The following DNAJB6 variants were observed in gnomAD, a reference collection of about 807,000 sequenced individuals.
The protein encoded by DNAJB6 is dnaJ homolog subfamily B member 6.
Under a neutral mutation model 42.7 loss-of-function variants are expected in DNAJB6, and 16 were observed. The observed-to-expected ratio is 0.37, with a 90% CI of 0.25 to 0.57. DNAJB6 has a LOEUF of 0.57. Ranked by LOEUF, DNAJB6 falls within the 20% of genes least tolerant of loss-of-function variation. The pLI is 0.74. For missense variants in DNAJB6, 347 were observed against 416.8 expected (o/e 0.83, Z 1.46); for synonymous variants, 170 against 163.5 (o/e 1.04, Z -0.30).
intron 5 of DNAJB6, among the ~76,000 whole-genome samples, chr7:157,376,013 C>T (rs1317927628): frequency 6.6e-6 from 1 of 152,120 alleles, no homozygotes; most frequent in African/African-American, 2.4e-5. Flanking sequence ...CAGGCCTCTC[C>T]TGGGCCGCGG....
intron 5 of DNAJB6, among the ~76,000 whole-genome samples, chr7:157,377,532 C>T (rs1379606339): frequency 4.6e-5 from 7 of 151,940 alleles, no homozygotes; most frequent in African/African-American, 7.3e-5. Context: ...AAGGTGCTCA[C>T]GACTCTAACC....
chr7:157,381,772 GT>G, intron 5 of DNAJB6: 1 of 153,826 alleles, frequency 6.5e-6, no homozygotes, highest in African/African-American at 2.4e-5. Flanking sequence ...GTGTGTGTGT[GT>G]GTGGGCGCGC....
chr7:157,385,421 A>G, intron 7 of DNAJB6, 120 bp from the exon 8 acceptor site: 2 of 1,093,306 alleles, frequency 1.8e-6, no homozygotes, highest in South Asian at 3.1e-5. Flanking sequence ...CCATGTTTTT[A>G]CAGCCTGAAA....
chr7:157,384,775 T>A lies in DNAJB6; in HGVS notation c.479-92T>A. On this transcript the variant is annotated intron_variant, in intron 6 of 9. Coordinates refer to ENST00000262177, the MANE Select transcript of DNAJB6 (RefSeq NM_058246.4). ...ACTCCTCGGTTCTATGCCTTAACATTAAATATTCTGCTACTGAACTTTCAA... is the reference window on the plus strand; with the variant it reads ...ACTCCTCGGTTCTATGCCTTAACATAAAATATTCTGCTACTGAACTTTCAA... The A allele has an allele frequency of 2.3e-6, 3 of 1,300,798 alleles. No homozygotes were observed. The South Asian group carries it at 3.9e-5, about 17-fold the overall frequency. 80.6% of individuals were successfully genotyped at this position (1,300,798 alleles called of 1,614,324 possible).
intron 5 of DNAJB6, among the ~76,000 whole-genome samples, chr7:157,373,344 G>C (rs1800312354): frequency 6.6e-6 from 1 of 152,160 alleles, no homozygotes; most frequent in African/African-American, 2.4e-5. Context: ...TTTAAAGTTA[G>C]ACATGTGCCC....
chr7:157,399,305 G>C (rs10226524), intron 8 of DNAJB6, among the ~76,000 whole-genome samples: 86,355 of 152,008 alleles, frequency 0.57, 26,213 homozygotes, highest in African/African-American at 0.8. Context: ...GAGGTCTTTC[G>C]CCTCCTGATG....
chr7:157,396,916 T>C (rs1563145809), intron 8 of DNAJB6, among the ~76,000 whole-genome samples: 1 of 152,102 alleles, frequency 6.6e-6, no homozygotes, highest in Non-Finnish European at 1.5e-5. Flanking sequence ...CGCCACAGTG[T>C]GCTTTAGTTG....
chr7:157,382,408 T>C (rs966946755), intron 6 of DNAJB6, 31 bp downstream of exon 6: 3 of 1,588,584 alleles, frequency 1.9e-6, no homozygotes, highest in African/African-American at 2.7e-5. Flanking sequence ...ATCTCTGTTA[T>C]CTTAACAGCA....
At chr7:157,386,962 G>A (rs981971067) in intron 8 of DNAJB6, among the ~76,000 whole-genome samples, 1 of 150,862 alleles carries the variant, frequency 6.6e-6, no homozygotes, top group African/African-American at 2.4e-5. Context: ...ATTACCATTG[G>A]TAACTAGAAT....
chr7:157,362,222 T>C (rs889049120), intron 2 of DNAJB6, among the ~76,000 whole-genome samples: 11 of 152,218 alleles, frequency 7.2e-5, no homozygotes, highest in African/African-American at 1.7e-4. Context: ...TCTGAGATCC[T>C]GGCCTGTTGG....
chr7:157,338,336 C>CTT (rs111666619), intron 1 of DNAJB6, among the ~76,000 whole-genome samples: 66 of 145,368 alleles, frequency 4.5e-4, no homozygotes, highest in African/African-American at 8.8e-4. Context: ...TCCAGACTTC[C>CTT]TTTTTTTTTT....
chr7:157,338,469 G>C (rs903687069), intron 1 of DNAJB6, among the ~76,000 whole-genome samples: 2 of 152,120 alleles, frequency 1.3e-5, no homozygotes, highest in Non-Finnish European at 2.9e-5. Context: ...GAGTAGCTGG[G>C]GTTACGGGTG....
chr7:157,414,293 G>A (rs948535756), intron 9 of DNAJB6: 1 of 152,312 alleles, frequency 6.6e-6, no homozygotes. Context: ...ATCCCACGGG[G>A]TCCCTTGGGT....
At chr7:157,410,319 C>A in intron 9 of DNAJB6, 1 of 516,472 alleles carries the variant, frequency 1.9e-6, no homozygotes, top group Non-Finnish European at 3.2e-6. Flanking sequence ...CTTTTCGTAG[C>A]TTTCAGCGTA....
chr7:157,382,138 T>C, intron 5 of DNAJB6, 108 bp from the exon 6 acceptor site: 3 of 1,296,156 alleles, frequency 2.3e-6, no homozygotes, highest in Non-Finnish European at 3.1e-6. Flanking sequence ...CTTAAGTTTT[T>C]TGTTCCTGAA....
intron 9 of DNAJB6, chr7:157,412,074 A>T (rs1187513956): frequency 6.6e-6 from 1 of 152,220 alleles, no homozygotes; most frequent in African/African-American, 2.4e-5. Flanking sequence ...TACCAAAGTA[A>T]CCATCAAAGA....
At chr7:157,415,561 G>A (rs1029354404) in intron 9 of DNAJB6, 13 of 184,320 alleles carry the variant, frequency 7.1e-5, no homozygotes, top group Admixed American at 5.6e-5. Context: ...CCCAGTGTGC[G>A]TTCTGAAGGA....
chr7:157,338,411 G>T (rs1158331028), intron 1 of DNAJB6, among the ~76,000 whole-genome samples: 1 of 151,602 alleles, frequency 6.6e-6, no homozygotes, highest in East Asian at 1.9e-4. Context: ...TCCACTCACT[G>T]CAACTTCCAG....
At chr7:157,375,188 G>A (rs1207519398) in intron 5 of DNAJB6, among the ~76,000 whole-genome samples, 2 of 152,200 alleles carry the variant, frequency 1.3e-5, no homozygotes, top group African/African-American at 4.8e-5. Context: ...TAGGGGGACA[G>A]TGAGGTGGAA....
Sources: allele counts gnomAD v4.1 joint callset (sites outside exome capture counted in the v4.1 genomes callset), GRCh38; gene constraint gnomAD v4.1.1; transcripts MANE v1.5; gene names NCBI Gene and HGNC (gene_info 2026-07-23, HGNC 2026-07-21).